The following TAFA2 variants were observed in gnomAD, a reference collection of about 807,000 sequenced individuals.
TAFA2 encodes the protein chemokine-like protein TAFA-2.
TAFA2 carries 7 observed loss-of-function variants against 18.8 expected under a neutral mutation model. That is an observed-to-expected ratio of 0.37 (90% CI 0.21 to 0.70). The LOEUF is 0.70. Among genes scored for constraint, TAFA2 ranks in the 30% least tolerant of loss-of-function variants. The pLI is 0.53. For missense variants in TAFA2, 122 were observed against 158.1 expected (o/e 0.77, Z 1.23); for synonymous variants, 60 against 54.2 (o/e 1.11, Z -0.47).
In TAFA2 at chr12:62,042,430, C is replaced by CGT. The variant is rs1223775086; in HGVS notation, c.-2+148828_-2+148829insAC. 1.2e-3 allele frequency among the ~76,000 whole-genome samples: 114 copies of CGT among 94,620 alleles called. 1 individual carries two copies. The highest frequency in any genetic ancestry group is 3.5e-3 in the South Asian group (11 of 3,152). The allele number at this position is 94,620 out of a possible 152,430, so 62.1% of individuals were successfully genotyped here. The stretch of plus-strand genomic sequence containing the variant: ...GTGTGTGTGTGTGTGTGTGTGTGTG[C>CGT]GCGTGTGTGTGTGTGTGTGTGACAT... On this transcript the variant is annotated intron_variant, in intron 1 of 4. Transcript: ENST00000416284.
chr12:61,760,194 G>A (rs1367267907), intron 2 of TAFA2, among the ~76,000 whole-genome samples: 1 of 149,956 alleles, frequency 6.7e-6, no homozygotes, highest in African/African-American at 2.4e-5. Context: ...TAAAACTGAA[G>A]GTGTAAAACT....
intron 1 of TAFA2, among the ~76,000 whole-genome samples, chr12:62,128,969 T>A (rs1870575238): frequency 6.6e-6 from 1 of 152,080 alleles, no homozygotes; most frequent in East Asian, 1.9e-4. Context: ...ACTTTTATTA[T>A]TTTTCAAATA....
intron 1 of TAFA2, among the ~76,000 whole-genome samples, chr12:62,035,431 G>A (rs1292316675): frequency 6.6e-6 from 1 of 152,140 alleles, no homozygotes; most frequent in East Asian, 1.9e-4. Context: ...GGAGAAGTAT[G>A]GGAGGCTGCT....
At chr12:61,746,882 T>C (rs1868736409) in intron 4 of TAFA2, among the ~76,000 whole-genome samples, 1 of 152,122 alleles carries the variant, frequency 6.6e-6, no homozygotes, top group African/African-American at 2.4e-5. Context: ...CAAAGTCTTT[T>C]GAAGAGCTTC....
chr12:61,780,085 C>T (rs554898493), intron 2 of TAFA2, among the ~76,000 whole-genome samples: 1 of 151,600 alleles, frequency 6.6e-6, no homozygotes, highest in Non-Finnish European at 1.5e-5. Context: ...AAAACAATGT[C>T]AAATATCCCA....
intron 1 of TAFA2, among the ~76,000 whole-genome samples, chr12:62,025,672 C>T (rs1386637951): frequency 1.3e-5 from 2 of 151,928 alleles, no homozygotes; most frequent in South Asian, 2.1e-4. Context: ...AAATAATAAA[C>T]TCTGTTTTAA....
chr12:61,985,043 A>G (rs1381470501), intron 1 of TAFA2, among the ~76,000 whole-genome samples: 1 of 152,200 alleles, frequency 6.6e-6, no homozygotes, highest in African/African-American at 2.4e-5. Context: ...GGGAGAGGGT[A>G]AAAGTTGCTT....
intron 1 of TAFA2, among the ~76,000 whole-genome samples, chr12:62,165,935 TCTCTCA>T (rs1320727393): frequency 5.7e-4 from 69 of 120,366 alleles, no homozygotes; most frequent in African/African-American, 2.2e-3. Flanking sequence ...TCTCTCTCTC[TCTCTCA>T]CACACACACA....
chr12:61,994,916 C>G (rs534997066), intron 1 of TAFA2, among the ~76,000 whole-genome samples: 2 of 152,300 alleles, frequency 1.3e-5, no homozygotes, highest in South Asian at 2.1e-4. Context: ...ATGCTCACTT[C>G]TCTGCATTTG....
intron 1 of TAFA2, among the ~76,000 whole-genome samples, chr12:61,915,536 C>G (rs1250017324): frequency 2.0e-5 from 3 of 152,130 alleles, no homozygotes; most frequent in Admixed American, 2.0e-4. Context: ...TCAGTCATAG[C>G]GGCCAAGAGG....
At chr12:62,234,932 C>A in intron 1 of TAFA2, 1 of 796,746 alleles carries the variant, frequency 1.3e-6, no homozygotes, top group East Asian at 3.0e-5. Flanking sequence ...ACGGAGGGGG[C>A]ATAGCCTGGG....
At chr12:61,868,264 T>C (rs1260767600) in intron 1 of TAFA2, among the ~76,000 whole-genome samples, 1 of 152,174 alleles carries the variant, frequency 6.6e-6, no homozygotes, top group African/African-American at 2.4e-5. Flanking sequence ...GAAATTTGGA[T>C]ATTTGCCTGG....
At chr12:62,055,468 G>T (rs1273278689) in intron 1 of TAFA2, among the ~76,000 whole-genome samples, 1 of 152,024 alleles carries the variant, frequency 6.6e-6, no homozygotes, top group Non-Finnish European at 1.5e-5. Context: ...TATTAATTTT[G>T]ATCTTCAGCA....
chr12:61,820,165 A>G (rs1015879129), intron 2 of TAFA2, among the ~76,000 whole-genome samples: 3 of 152,080 alleles, frequency 2.0e-5, no homozygotes, highest in Admixed American at 2.0e-4. Flanking sequence ...AGATTTCATG[A>G]CATTATAGAT....
At chr12:62,134,771 T>C (rs1424677498) in intron 1 of TAFA2, among the ~76,000 whole-genome samples, 1 of 151,938 alleles carries the variant, frequency 6.6e-6, no homozygotes, top group Non-Finnish European at 1.5e-5. Flanking sequence ...GAATGAATGG[T>C]TCCTACTACT....
At chr12:62,014,508 T>A (rs1461121965) in intron 1 of TAFA2, among the ~76,000 whole-genome samples, 4 of 152,140 alleles carry the variant, frequency 2.6e-5, no homozygotes. Flanking sequence ...GGTGCATACC[T>A]GCAGTTCCAG....
At chr12:61,760,075 C>CTTTTT (rs35014156) in intron 2 of TAFA2, among the ~76,000 whole-genome samples, 2 of 137,752 alleles carry the variant, frequency 1.5e-5, no homozygotes, top group African/African-American at 2.7e-5. Context: ...CTGCCCAGTG[C>CTTTTT]TTTTTTTTTT....
At chr12:62,255,349 G>A (rs1214647772) in intron 1 of TAFA2, 1 of 152,096 alleles carries the variant, frequency 6.6e-6, no homozygotes, top group Non-Finnish European at 1.5e-5. Context: ...AAAATATAAA[G>A]TAGGCAGATT....
At chr12:61,998,094 C>A (rs1319090522) in intron 1 of TAFA2, among the ~76,000 whole-genome samples, 1 of 151,792 alleles carries the variant, frequency 6.6e-6, no homozygotes, top group Non-Finnish European at 1.5e-5. Context: ...ATTAAAAAAT[C>A]ACAAGGAATT....
Sources: allele counts gnomAD v4.1 joint callset (sites outside exome capture counted in the v4.1 genomes callset), GRCh38; gene constraint gnomAD v4.1.1; transcripts MANE v1.5; gene names NCBI Gene and HGNC (gene_info 2026-07-23, HGNC 2026-07-21).